The following MTM1 variants were observed in gnomAD, a reference collection of about 807,000 sequenced individuals.
The protein encoded by MTM1 is myotubularin 1, also known as myotubularin.
Under a neutral mutation model 52.1 loss-of-function variants are expected in MTM1, and 9 were observed. That is an observed-to-expected ratio of 0.17 (90% CI 0.10 to 0.30). The LOEUF is 0.30. Among genes scored for constraint, MTM1 ranks in the 10% least tolerant of loss-of-function variants. The probability of loss-of-function intolerance (pLI) is 1.00; values close to 1 mark genes in which losing one functional copy is unlikely to be tolerated. For missense variants in MTM1, 277 were observed against 470.7 expected (o/e 0.59, Z 3.81); for synonymous variants, 136 against 163.8 (o/e 0.83, Z 1.29).
At position 150,573,837 on chromosome X, in the gene MTM1, T is replaced by C. The variant is rs782644305; in HGVS notation, c.-11+5175T>C. On this transcript the variant is annotated intron_variant, in intron 1 of 14. Transcript: ENST00000370396. Reference sequence around the variant, plus strand: ...TACTGAAATAAGAAATGTACCTGCCTGCACAGCAGTGACCCTTGGCCATGA... The same window carrying C: ...TACTGAAATAAGAAATGTACCTGCCCGCACAGCAGTGACCCTTGGCCATGA... Among the ~76,000 whole-genome samples, 34 of 112,416 alleles carry C rather than the reference T, an allele frequency of 3.0e-4. 1 individual carries two copies. In the South Asian group the frequency reaches 0.012, roughly 41 times the overall value.
intron 1 of MTM1, among the ~76,000 whole-genome samples, chrX:150,590,832 T>C (rs1360152052): frequency 8.9e-6 from 1 of 112,091 alleles, no homozygotes; most frequent in Non-Finnish European, 1.9e-5. Flanking sequence ...AATGTTGACT[T>C]ACATTAGTGA....
intron 1 of MTM1, among the ~76,000 whole-genome samples, chrX:150,576,970 T>C (rs1306099651): frequency 3.6e-5 from 4 of 112,505 alleles, no homozygotes; most frequent in Non-Finnish European, 5.6e-5. Flanking sequence ...ATTTTCTGGG[T>C]ATTTTCAAAA....
intron 4 of MTM1, among the ~76,000 whole-genome samples, chrX:150,605,431 G>A (rs1237297368): frequency 1.8e-5 from 2 of 112,151 alleles, no homozygotes; most frequent in Non-Finnish European, 3.8e-5. Context: ...ATTCTTCCTG[G>A]ATTAAATTCA....
Position 150,614,635 on chromosome X carries a change from T to C in MTM1, c.278T>C (p.Ile93Thr), listed in dbSNP as rs199821243. The change falls in exon 5 of 15, where the codon ATT (isoleucine) becomes ACT (threonine). Residue 93 changes from isoleucine to threonine, a missense_variant. Physicochemically the swap from Ile to Thr is moderately conservative, Grantham distance 89. Around this residue, in one of 4 missense-constraint regions of MTM1, gnomAD observed 164 missense variants for 283.3 expected, o/e 0.58. Coordinates refer to ENST00000370396, the MANE Select transcript of MTM1 (RefSeq NM_000252.3). ...LDVPLGVISR[I>T]EKMGGATSRG... ...GTTCCTCTGGGTGTGATCTCGAGAA[T>C]TGAAAAAATGGGAGGCGCGACAAGT... 7 of 1,203,881 alleles carry C rather than the reference T, an allele frequency of 5.8e-6. No homozygotes were observed. The highest frequency in any genetic ancestry group is 7.9e-6 in the Non-Finnish European group (7 of 890,575).
intron 6 of MTM1, 150 bp downstream of exon 6, chrX:150,619,289 C>A: frequency 1.9e-6 from 1 of 514,811 alleles, no homozygotes; most frequent in Non-Finnish European, 3.4e-6. Flanking sequence ...ATAATTTCAT[C>A]ATTTCCAGAG....
rs188836961 is a variant in MTM1 at position 150,629,455 on chromosome X, C to T, written c.445-9488C>T. 2.7e-5 allele frequency among the ~76,000 whole-genome samples: 3 copies of T among 111,656 alleles called. No homozygotes were observed. The East Asian group carries it at 8.4e-4, about 31-fold the overall frequency. On this transcript the variant is annotated intron_variant, in intron 6 of 14. Transcript: ENST00000370396. Reference sequence around the variant, plus strand: ...CCCACCTGTGGCACTTGCTGCTATCCTCTCTATATGCCCTCCTCATCTCTC... The same window carrying T: ...CCCACCTGTGGCACTTGCTGCTATCTTCTCTATATGCCCTCCTCATCTCTC...
In MTM1 at chrX:150,583,501, A is replaced by AT. The variant is rs1557412021; in HGVS notation, c.-10-9104_-10-9103insT. ...ATTATATATATTATATATAAATTAT[A>AT]AATATATATAATTTATATATATTAT... On this transcript the variant is annotated intron_variant, in intron 1 of 14. Coordinates refer to ENST00000370396, the MANE Select transcript of MTM1 (RefSeq NM_000252.3). 1.9e-3 allele frequency among the ~76,000 whole-genome samples: 62 copies of AT among 33,302 alleles called. 7 individuals carry two copies. Among genetic ancestry groups the AT allele is most frequent in the African/African-American group, 7.2e-3 (59 of 8,167 alleles). The allele number at this position is 33,302 out of a possible 115,157, so 28.9% of individuals were successfully genotyped here.
At chrX:150,591,612 C>T (rs1367424281) in intron 1 of MTM1, among the ~76,000 whole-genome samples, 1 of 112,953 alleles carries the variant, frequency 8.9e-6, no homozygotes, top group East Asian at 2.8e-4. Context: ...TGTGTTAACC[C>T]ATTTATGCCT....
chrX:150,662,689 T>G (rs1355385423), intron 13 of MTM1, among the ~76,000 whole-genome samples: 1 of 112,272 alleles, frequency 8.9e-6, no homozygotes, highest in East Asian at 2.8e-4. Context: ...CTTATTGCTC[T>G]TTTCTTATTA....
intron 10 of MTM1, among the ~76,000 whole-genome samples, chrX:150,651,485 G>GTTTT (rs56302527): frequency 6.7e-5 from 5 of 74,831 alleles, no homozygotes; most frequent in Non-Finnish European, 1.3e-4. Flanking sequence ...CAATTAGGTT[G>GTTTT]TTTTTTTTTT....
chrX:150,633,770 G>A (rs782748417), intron 6 of MTM1, among the ~76,000 whole-genome samples: 9 of 112,172 alleles, frequency 8.0e-5, no homozygotes, highest in Non-Finnish European at 1.1e-4. Flanking sequence ...CGTGGCTCAC[G>A]CCTGTAAGCC....
At chrX:150,665,860 A>G (rs1439332875) in intron 14 of MTM1, among the ~76,000 whole-genome samples, 3 of 112,299 alleles carry the variant, frequency 2.7e-5, no homozygotes, top group Admixed American at 9.4e-5. Flanking sequence ...AAGCATAGTC[A>G]TATTACAAAC....
chrX:150,647,996 A>G (rs1011890255), intron 9 of MTM1, among the ~76,000 whole-genome samples: 1 of 107,809 alleles, frequency 9.3e-6, no homozygotes, highest in East Asian at 2.8e-4. Flanking sequence ...TCTAGTTTCA[A>G]GAATCTCTTT....
In MTM1 at chrX:150,583,457, TAA is replaced by T. The variant is rs1569565326; in HGVS notation, c.-10-9147_-10-9146del. 6.0e-4 allele frequency among the ~76,000 whole-genome samples: 17 copies of T among 28,107 alleles called. 1 individual carries two copies. The highest frequency in any genetic ancestry group is 2.5e-3 in the African/African-American group (16 of 6,341). The allele number at this position is 28,107 out of a possible 115,157, so 24.4% of individuals were successfully genotyped here. On this transcript the variant is annotated intron_variant, in intron 1 of 14. Transcript: ENST00000370396. ...ATATAAAAATTATATATATTATATA[TAA>T]TTATAAATATATATAAATTATATAT...
At position 150,672,737 on chromosome X, in the gene MTM1, T is replaced by G. The variant is rs2040414098; in HGVS notation, c.*1142T>G. The G allele has an allele frequency of 1.8e-5, 2 of 112,422 alleles. No homozygotes were observed. The highest frequency in any genetic ancestry group is 6.5e-5 in the African/African-American group (2 of 30,971). 9.3% of individuals were successfully genotyped at this position (112,422 alleles called of 1,213,427 possible). A position where few individuals can be genotyped will look rare whatever the true frequency, so the allele number is the denominator to read the frequency against. On this transcript the variant is annotated 3_prime_UTR_variant, in exon 15 of 15. Coordinates refer to ENST00000370396, the MANE Select transcript of MTM1 (RefSeq NM_000252.3). ...CTATTTGCTATCTGAACTAATTCAT[T>G]TATTAAGTATATTTGTAAAAGCTAA...
chrX:150,592,789 CAT>C (rs1433276808), intron 2 of MTM1, 112 bp downstream of exon 2: 91 of 499,078 alleles, frequency 1.8e-4, no homozygotes, highest in Non-Finnish European at 2.4e-5. Flanking sequence ...TATTCATTCA[CAT>C]ATAAATACAT....
intron 4 of MTM1, among the ~76,000 whole-genome samples, chrX:150,611,146 C>T (rs1333020455): frequency 8.9e-6 from 1 of 111,959 alleles, no homozygotes; most frequent in Non-Finnish European, 1.9e-5. Context: ...CGTGACATTC[C>T]TCCTTATAGG....
chrX:150,586,231 A>G (rs1410847287), intron 1 of MTM1, among the ~76,000 whole-genome samples: 6 of 112,278 alleles, frequency 5.3e-5, no homozygotes, highest in Non-Finnish European at 5.6e-5. Context: ...GAAGTGACCA[A>G]GACAAATCAA....
chrX:150,616,801 G>A (rs1180997875), intron 5 of MTM1, among the ~76,000 whole-genome samples: 2 of 112,376 alleles, frequency 1.8e-5, no homozygotes, highest in Non-Finnish European at 3.8e-5. Flanking sequence ...AGTCATGTGT[G>A]TTGTTTCTTT....
Sources: gnomAD v4.1 joint callset for allele counts (sites outside exome capture counted in the v4.1 genomes callset) on GRCh38, gnomAD v4.1.1 for gene constraint, gnomAD v4.1.1 regional missense constraint, MANE v1.5 for transcripts, NCBI Gene and HGNC (gene_info 2026-07-23, HGNC 2026-07-21) for gene names.